The following ANKFY1 variants were observed in gnomAD, a reference collection of about 807,000 sequenced individuals.
ANKFY1 encodes ankyrin repeat and FYVE domain-containing protein 1.
In ANKFY1, 47 loss-of-function variants were observed where a neutral mutation model predicts 128.3. That is an observed-to-expected ratio of 0.37 (90% CI 0.29 to 0.47). The LOEUF (loss-of-function observed/expected upper bound fraction) is 0.47, where lower values mean the gene tolerates loss of function less well. ANKFY1 is among the 20% of genes least tolerant of loss of function. ANKFY1 has a pLI of 1.00. For synonymous variants in ANKFY1, 553 were observed against 601.6 expected (o/e 0.92, Z 1.18); for missense variants, 1,222 against 1,510.6 (o/e 0.81, Z 3.17).
At chr17:4,206,273 G>A (rs746268507) in intron 7 of ANKFY1, 48 bp downstream of exon 7, 266 of 1,588,354 alleles carry the variant, frequency 1.7e-4, no homozygotes, top group Non-Finnish European at 1.7e-4. Flanking sequence ...AAAATTACTC[G>A]GATAAAAATA....
At chr17:4,187,618 G>C (rs1215175890) in intron 11 of ANKFY1, 1 of 225,616 alleles carries the variant, frequency 4.4e-6, no homozygotes, top group Non-Finnish European at 8.6e-6. Flanking sequence ...GGTATTCAGA[G>C]AAGGAACAAC....
chr17:4,170,673 C>T (rs747703887), intron 23 of ANKFY1, 42 bp downstream of exon 23: 16 of 1,574,258 alleles, frequency 1.0e-5, no homozygotes, highest in South Asian at 8.4e-5. Context: ...CCCAACACTA[C>T]GACTGTGCTT....
At chr17:4,241,917 G>A (rs374171281) in intron 2 of ANKFY1, among the ~76,000 whole-genome samples, 37 of 151,558 alleles carry the variant, frequency 2.4e-4, no homozygotes, top group African/African-American at 8.5e-4. Context: ...TTGAAACCCC[G>A]TCTCTACTAA....
chr17:4,220,252 G>A (rs2060287865), intron 3 of ANKFY1, among the ~76,000 whole-genome samples: 1 of 152,200 alleles, frequency 6.6e-6, no homozygotes, highest in African/African-American at 2.4e-5. Context: ...GTAGATCTTG[G>A]AAGTAGGCCA....
rs2059264959 is a variant in ANKFY1 at position 4,169,006 on chromosome 17, C to G, written c.3377+192G>C. The stretch of plus-strand genomic sequence containing the variant: ...AGCAGGAAAGCCACCCGTCTGCAGG[C>G]TCCCTGCCTTCCCTACATCTCTGTT... On this transcript the variant is annotated intron_variant, in intron 24 of 24. Coordinates refer to ENST00000341657, the MANE Select transcript of ANKFY1 (RefSeq NM_001330063.2). The surrounding 1 kb of genome is among the most constrained non-coding windows in gnomAD (Gnocchi z 5.0). 1 of 555,580 alleles carries G rather than the reference C, an allele frequency of 1.8e-6. No homozygotes were observed. The highest frequency in any genetic ancestry group is 3.2e-6 in the Non-Finnish European group (1 of 308,446). The allele number at this position is 555,580 out of a possible 1,614,324, so 34.4% of individuals were successfully genotyped here. A position where few individuals can be genotyped will look rare whatever the true frequency, so the allele number is the denominator to read the frequency against.
intron 17 of ANKFY1, 89 bp downstream of exon 17, chr17:4,179,632 T>C: frequency 6.6e-7 from 1 of 1,509,330 alleles, no homozygotes; most frequent in Non-Finnish European, 8.9e-7. Context: ...CGCCTGGAAC[T>C]GGGGACTGTG....
At chr17:4,242,575 T>A (rs1967303075) in intron 1 of ANKFY1, 127 bp from the exon 2 acceptor site, 2 of 791,464 alleles carry the variant, frequency 2.5e-6, no homozygotes, top group African/African-American at 1.8e-5. Context: ...CACTCTTTCT[T>A]AGTGATAGTC....
intron 7 of ANKFY1, among the ~76,000 whole-genome samples, chr17:4,205,659 A>C (rs1477276877): frequency 6.6e-6 from 1 of 151,622 alleles, no homozygotes; most frequent in East Asian, 1.9e-4. Flanking sequence ...GGAGAATGGC[A>C]TGAACCCAGG....
intron 1 of ANKFY1, among the ~76,000 whole-genome samples, chr17:4,263,106 G>A (rs1364941257): frequency 6.6e-6 from 1 of 152,200 alleles, no homozygotes; most frequent in Non-Finnish European, 1.5e-5. Context: ...TTCCTGACAG[G>A]TAACTCCCCG....
intron 17 of ANKFY1, 181 bp from the exon 18 acceptor site, chr17:4,179,238 C>G (rs1179442451): frequency 1.5e-6 from 1 of 683,198 alleles, no homozygotes; most frequent in South Asian, 1.8e-5. Flanking sequence ...TCCTGTTACA[C>G]CACGTTCCAG....
At chr17:4,193,850 C>T (rs1374628525) in intron 10 of ANKFY1, among the ~76,000 whole-genome samples, 1 of 151,626 alleles carries the variant, frequency 6.6e-6, no homozygotes, top group African/African-American at 2.4e-5. Flanking sequence ...ACCTCTGTCT[C>T]CTGGGTTCAA....
At chr17:4,233,747 T>C (rs1598120492) in intron 3 of ANKFY1, among the ~76,000 whole-genome samples, 2 of 152,234 alleles carry the variant, frequency 1.3e-5, no homozygotes, top group Non-Finnish European at 2.9e-5. Flanking sequence ...TTTACAGCCC[T>C]GGTCTGAAAT....
chr17:4,254,113 G>A (rs1363111598), intron 1 of ANKFY1, among the ~76,000 whole-genome samples: 10 of 152,058 alleles, frequency 6.6e-5, no homozygotes, highest in Middle Eastern at 3.4e-3. Flanking sequence ...AGACCATCCC[G>A]GCTAACACGG....
At chr17:4,170,184 C>T (rs150310795) in intron 23 of ANKFY1, among the ~76,000 whole-genome samples, 144 of 152,348 alleles carry the variant, frequency 9.5e-4, no homozygotes, top group African/African-American at 3.3e-3. Flanking sequence ...GCTTGTTTTC[C>T]TGCCTGTCTC....
Position 4,170,719 on chromosome 17 carries a change from C to A in ANKFY1, c.3282G>T (p.Leu1094=). ...AGCAGAGAGCGGGCCACTCACCCAG[C>A]AGTCGGAACAGGAGCTGCTTGGTGG... The part of the protein sequence containing the change: ...QVATKQLLFR[L]LDMLSKEPPW... The change falls in exon 23 of 25, where the codon CTG becomes CTT. Residue 1094 remains leucine (L), a synonymous_variant. Coordinates refer to ENST00000341657, the MANE Select transcript of ANKFY1 (RefSeq NM_001330063.2). 2 of 1,608,406 alleles carry A rather than the reference C, an allele frequency of 1.2e-6. No homozygotes were observed. The highest frequency in any genetic ancestry group is 8.5e-7 in the Non-Finnish European group (1 of 1,176,920).
At chr17:4,203,675 C>T (rs965387656) in intron 7 of ANKFY1, among the ~76,000 whole-genome samples, 43 of 151,420 alleles carry the variant, frequency 2.8e-4, no homozygotes, top group African/African-American at 1.0e-3. Flanking sequence ...ATTAGCCGGG[C>T]GTGGTGGCAG....
intron 16 of ANKFY1, chr17:4,180,270 A>C: frequency 5.8e-6 from 1 of 172,644 alleles, no homozygotes; most frequent in Non-Finnish European, 1.2e-5. Flanking sequence ...TCTGCTAAAA[A>C]CACAAAAATT....
intron 1 of ANKFY1, among the ~76,000 whole-genome samples, chr17:4,254,757 A>G (rs1968028056): frequency 6.6e-6 from 1 of 152,224 alleles, no homozygotes; most frequent in Non-Finnish European, 1.5e-5. Flanking sequence ...TATGGAGTAA[A>G]AGGAAATGTA....
chr17:4,179,997 T>G (rs1296336080), intron 16 of ANKFY1, 120 bp from the exon 17 acceptor site: 1 of 1,267,996 alleles, frequency 7.9e-7, no homozygotes, highest in South Asian at 1.4e-5. Flanking sequence ...TGGCCGGGTC[T>G]GCTGTCCTTG....
Sources: allele counts gnomAD v4.1 joint callset (sites outside exome capture counted in the v4.1 genomes callset), GRCh38; gene constraint gnomAD v4.1.1; non-coding constraint Gnocchi (gnomAD v3.1); transcripts MANE v1.5; gene names NCBI Gene and HGNC (gene_info 2026-07-23, HGNC 2026-07-21).